Variants in ASTN2 observed in about 807,000 individuals in gnomAD.
ASTN2 encodes the protein astrotactin 2.
Under a neutral mutation model 139.8 loss-of-function variants are expected in ASTN2, and 54 were observed. The observed-to-expected ratio is 0.39, with a 90% CI of 0.31 to 0.48. The LOEUF (loss-of-function observed/expected upper bound fraction) is 0.48. Ranked by LOEUF, ASTN2 falls within the 20% of genes least tolerant of loss-of-function variation. ASTN2 has a pLI of 0.95. For synonymous variants in ASTN2, 756 were observed against 719.5 expected (o/e 1.05, Z -0.81); for missense variants, 1,565 against 1,725.1 (o/e 0.91, Z 1.64).
chr9:117,160,924 T>C (rs1260721521), intron 3 of ASTN2, among the ~76,000 whole-genome samples: 1 of 151,716 alleles, frequency 6.6e-6, no homozygotes, highest in Non-Finnish European at 1.5e-5. Context: ...CTAATGATAA[T>C]GGAAATTATA....
At chr9:117,163,827 TC>T (rs989455925) in intron 3 of ASTN2, among the ~76,000 whole-genome samples, 1 of 152,096 alleles carries the variant, frequency 6.6e-6, no homozygotes, top group African/African-American at 2.4e-5. Context: ...ATTGTAGACT[TC>T]CACTCTTGTA....
intron 19 of ASTN2, among the ~76,000 whole-genome samples, chr9:116,608,352 G>T (rs1314359849): frequency 6.6e-6 from 1 of 152,070 alleles, no homozygotes; most frequent in East Asian, 1.9e-4. Context: ...TCATACAAGG[G>T]CCAGTAATAG....
chr9:116,801,821 A>T (rs1306412404), intron 13 of ASTN2, among the ~76,000 whole-genome samples: 1 of 151,912 alleles, frequency 6.6e-6, no homozygotes, highest in African/African-American at 2.4e-5. Flanking sequence ...GCTCTAATAT[A>T]ATGGTGGTAG....
intron 2 of ASTN2, among the ~76,000 whole-genome samples, chr9:117,276,596 T>C (rs1295821997): frequency 6.6e-6 from 1 of 152,116 alleles, no homozygotes; most frequent in African/African-American, 2.4e-5. Flanking sequence ...ATAAGGACTG[T>C]AATAAAACAG....
At chr9:116,563,306 C>T (rs1445696039) in intron 19 of ASTN2, among the ~76,000 whole-genome samples, 1 of 151,618 alleles carries the variant, frequency 6.6e-6, no homozygotes, top group Non-Finnish European at 1.5e-5. Flanking sequence ...ACCCGGGAGG[C>T]AGAGTTTGCA....
At chr9:116,514,873 G>A (rs964827830) in intron 19 of ASTN2, among the ~76,000 whole-genome samples, 1 of 152,142 alleles carries the variant, frequency 6.6e-6, no homozygotes, top group Non-Finnish European at 1.5e-5. Context: ...GGAGTGATCC[G>A]ATTTTCCAGG....
chr9:116,945,632 C>CCCTT (rs996228755), intron 10 of ASTN2, among the ~76,000 whole-genome samples: 5 of 151,988 alleles, frequency 3.3e-5, no homozygotes, highest in African/African-American at 1.2e-4. Flanking sequence ...TGCCCTCCCT[C>CCCTT]CCTTCCTTCC....
At chr9:117,215,497 T>C (rs1375712687) in intron 2 of ASTN2, among the ~76,000 whole-genome samples, 1 of 83,124 alleles carries the variant, frequency 1.2e-5, no homozygotes, top group Non-Finnish European at 2.7e-5. Flanking sequence ...TGTATATATA[T>C]ACATTTTTTT....
intron 2 of ASTN2, among the ~76,000 whole-genome samples, chr9:117,251,948 T>A (rs1833549933): frequency 1.3e-5 from 2 of 152,126 alleles, no homozygotes; most frequent in South Asian, 4.1e-4. Context: ...AAAACACATC[T>A]CCAAGGAGGC....
intron 19 of ASTN2, among the ~76,000 whole-genome samples, chr9:116,521,806 A>AG: frequency 1.3e-5 from 1 of 76,470 alleles, no homozygotes; most frequent in Non-Finnish European, 2.5e-5. Flanking sequence ...CTAATCAGCA[A>AG]GAAAAACAAA....
At chr9:116,577,438 C>CAGG (rs10636445) in intron 19 of ASTN2, among the ~76,000 whole-genome samples, 31,597 of 151,712 alleles carry the variant, frequency 0.21, 4,324 homozygotes, top group African/African-American at 0.38. Context: ...GGGGCTGAGG[C>CAGG]AGGATCACTT....
At chr9:116,549,621 A>C (rs1008533119) in intron 19 of ASTN2, among the ~76,000 whole-genome samples, 11 of 152,196 alleles carry the variant, frequency 7.2e-5, no homozygotes, top group Admixed American at 2.0e-4. Context: ...AGGGCCCTGC[A>C]ACCTTTATGA....
intron 12 of ASTN2, among the ~76,000 whole-genome samples, chr9:116,811,114 T>G (rs558589440): frequency 2.0e-5 from 3 of 152,274 alleles, no homozygotes; most frequent in African/African-American, 7.2e-5. Flanking sequence ...ATTTTGTATT[T>G]TATTGGTGAG....
intron 11 of ASTN2, among the ~76,000 whole-genome samples, chr9:116,836,179 G>C (rs1243446850): frequency 2.0e-5 from 3 of 152,124 alleles, no homozygotes; most frequent in Non-Finnish European, 4.4e-5. Flanking sequence ...TCTAGTCACT[G>C]TTCCCCCCTT....
At chr9:117,147,884 G>A (rs1212625633) in intron 3 of ASTN2, among the ~76,000 whole-genome samples, 4 of 152,162 alleles carry the variant, frequency 2.6e-5, no homozygotes, top group Non-Finnish European at 5.9e-5. Context: ...CTGGTTGGCT[G>A]GAGATGGGTA....
chr9:116,590,901 T>A (rs1385684038), intron 19 of ASTN2, among the ~76,000 whole-genome samples: 1 of 152,114 alleles, frequency 6.6e-6, no homozygotes, highest in African/African-American at 2.4e-5. Flanking sequence ...AGCTGGACAC[T>A]CATCAGGATG....
chr9:117,111,514 C>T (rs954594686), intron 4 of ASTN2, among the ~76,000 whole-genome samples: 1 of 151,662 alleles, frequency 6.6e-6, no homozygotes, highest in South Asian at 2.1e-4. Flanking sequence ...TTTTCCAACT[C>T]CCCAATCTGA....
intron 10 of ASTN2, among the ~76,000 whole-genome samples, chr9:116,918,881 T>A (rs1168113146): frequency 1.3e-5 from 2 of 152,336 alleles, no homozygotes; most frequent in Non-Finnish European, 2.9e-5. Context: ...TATATGTGCC[T>A]GGGGTTTAAA....
chr9:116,691,272 A>G (rs987841617), intron 16 of ASTN2, among the ~76,000 whole-genome samples: 5 of 152,154 alleles, frequency 3.3e-5, no homozygotes, highest in Non-Finnish European at 7.3e-5. Flanking sequence ...ATATGCAGAG[A>G]AAGGAATTGA....
Sources: gnomAD v4.1 joint callset for allele counts (sites outside exome capture counted in the v4.1 genomes callset) on GRCh38, gnomAD v4.1.1 for gene constraint, MANE v1.5 for transcripts, NCBI Gene and HGNC (gene_info 2026-07-23, HGNC 2026-07-21) for gene names.